PCOLCE2: variants seen among roughly 807,000 people sequenced by gnomAD.
PCOLCE2 encodes the protein procollagen C-endopeptidase enhancer 2.
A neutral mutation model predicts 47.0 loss-of-function variants in PCOLCE2; 42 were observed. The ratio of observed to expected loss-of-function variants is 0.89; its 90% confidence interval spans 0.70 to 1.16. The LOEUF (loss-of-function observed/expected upper bound fraction) is 1.16. Ranked by LOEUF, PCOLCE2 falls within the 50% of genes most tolerant of loss-of-function variation. PCOLCE2 has a pLI of 0.00. For synonymous variants in PCOLCE2, 169 were observed against 191.7 expected (o/e 0.88, Z 0.98); for missense variants, 500 against 526.1 (o/e 0.95, Z 0.49).
chr3:142,833,150 G>A (rs1325164437), intron 5 of PCOLCE2, among the ~76,000 whole-genome samples: 3 of 151,944 alleles, frequency 2.0e-5, no homozygotes, highest in South Asian at 2.1e-4. Flanking sequence ...GTTTTTAAAC[G>A]TCATAAATGA....
intron 1 of PCOLCE2, 140 bp downstream of exon 1, chr3:142,888,674 G>T: frequency 2.0e-6 from 1 of 489,080 alleles, no homozygotes; most frequent in Admixed American, 4.4e-5. Flanking sequence ...GGTGGCGGAC[G>T]CCTGCACCGC....
chr3:142,849,328 T>A (rs1242657784), intron 2 of PCOLCE2, among the ~76,000 whole-genome samples: 1 of 152,216 alleles, frequency 6.6e-6, no homozygotes, highest in East Asian at 1.9e-4. Context: ...ACTGACTAAA[T>A]GAACTGAGTA....
chr3:142,847,659 C>A (rs902273933), intron 3 of PCOLCE2, among the ~76,000 whole-genome samples: 8 of 152,138 alleles, frequency 5.3e-5, no homozygotes, highest in Admixed American at 3.3e-4. Context: ...ACCTCAGCCT[C>A]CCAAGTAGCT....
At position 142,821,042 on chromosome 3, in the gene PCOLCE2, A is replaced by G. The variant is rs1201698388; in HGVS notation, c.953T>C (p.Leu318Ser). 3 of 1,598,130 alleles carry G rather than the reference A, an allele frequency of 1.9e-6. No homozygotes were observed. The highest frequency in any genetic ancestry group is 2.6e-6 in the Non-Finnish European group (3 of 1,166,788). ...GATGGTTGTGATAACAGTGCCGGCT[A>G]ATACTGCAGAAGAAAACATTTTGAA... ...EGNYCSSDFV[L>S]AGTVITTITR... Residue 318 changes from leucine to serine, a missense_variant, in exon 8 of 9, where the codon TTA becomes TCA. Coordinates refer to ENST00000295992, the MANE Select transcript of PCOLCE2 (RefSeq NM_013363.4).
intron 1 of PCOLCE2, among the ~76,000 whole-genome samples, 154 bp from the exon 2 acceptor site, chr3:142,887,931 C>G (rs572052991): frequency 1.3e-5 from 2 of 152,322 alleles, no homozygotes; most frequent in East Asian, 3.9e-4. Flanking sequence ...AATTTGCTAG[C>G]TCCTAGAATA....
intron 2 of PCOLCE2, among the ~76,000 whole-genome samples, chr3:142,868,712 A>G (rs1933328916): frequency 6.6e-6 from 1 of 152,090 alleles, no homozygotes. Context: ...GTGCGGTCTA[A>G]CCCTAGCCAA....
chr3:142,859,603 G>A (rs1933140728), intron 2 of PCOLCE2, among the ~76,000 whole-genome samples: 1 of 150,410 alleles, frequency 6.6e-6, no homozygotes, highest in Admixed American at 6.6e-5. Flanking sequence ...GTGTCATTCA[G>A]GCTGGAGTGT....
intron 2 of PCOLCE2, among the ~76,000 whole-genome samples, chr3:142,852,294 C>A (rs1263522686): frequency 6.6e-6 from 1 of 152,032 alleles, no homozygotes; most frequent in Non-Finnish European, 1.5e-5. Context: ...GATAAGAGCT[C>A]CTGATTGTCA....
At chr3:142,858,735 A>ATGTG (rs113491195) in intron 2 of PCOLCE2, among the ~76,000 whole-genome samples, 2,171 of 140,472 alleles carry the variant, frequency 0.015, 44 homozygotes, top group African/African-American at 0.049. Flanking sequence ...GTGTGTGTGT[A>ATGTG]TGTGTGTGTG....
At chr3:142,835,076 A>G (rs1937188096) in intron 5 of PCOLCE2, among the ~76,000 whole-genome samples, 1 of 152,020 alleles carries the variant, frequency 6.6e-6, no homozygotes, top group South Asian at 2.1e-4. Flanking sequence ...CTATTTGTCT[A>G]TTAGACCAAG....
At chr3:142,828,147 T>C (rs1937107027) in intron 6 of PCOLCE2, among the ~76,000 whole-genome samples, 6 of 152,216 alleles carry the variant, frequency 3.9e-5, no homozygotes, top group Admixed American at 3.9e-4. Flanking sequence ...AAACTAATCC[T>C]GAACTTTGCT....
intron 2 of PCOLCE2, among the ~76,000 whole-genome samples, chr3:142,866,600 A>G (rs1192470906): frequency 6.6e-6 from 1 of 152,256 alleles, no homozygotes; most frequent in African/African-American, 2.4e-5. Flanking sequence ...GTTGAAAAAT[A>G]TGAATCATAA....
rs1578030616 is a variant in PCOLCE2 at position 142,829,527 on chromosome 3, C to A, written c.865+165G>T. On this transcript the variant is annotated intron_variant, in intron 6 of 8. Transcript: ENST00000295992. The stretch of plus-strand genomic sequence containing the variant: ...TATTAGCTTACAAGCATTCTTACAC[C>A]CCATACCTTTCTTTCATTAATGCAG... 5.9e-6 allele frequency: 3 copies of A among 504,638 alleles called. No individual in the cohort carries two copies. In the East Asian group the frequency reaches 9.3e-5, roughly 16 times the overall value. The allele number at this position is 504,638 out of a possible 1,614,324, so 31.3% of individuals were successfully genotyped here.
chr3:142,858,531 C>T (rs1042632578), intron 2 of PCOLCE2, among the ~76,000 whole-genome samples: 4 of 152,252 alleles, frequency 2.6e-5, no homozygotes, highest in South Asian at 2.1e-4. Flanking sequence ...CGTGTGTGTG[C>T]GTGTGTATAT....
At chr3:142,820,238 G>C (rs1003067072) in intron 8 of PCOLCE2, among the ~76,000 whole-genome samples, 2 of 152,020 alleles carry the variant, frequency 1.3e-5, no homozygotes, top group African/African-American at 4.8e-5. Flanking sequence ...ACTGTGTCTG[G>C]CTGGAAGGAA....
chr3:142,874,040 G>A (rs1933448219), intron 2 of PCOLCE2, among the ~76,000 whole-genome samples: 1 of 152,166 alleles, frequency 6.6e-6, no homozygotes, highest in African/African-American at 2.4e-5. Flanking sequence ...CTGTTCTCAT[G>A]AAAGTGAATG....
At chr3:142,859,709 G>A (rs1933142813) in intron 2 of PCOLCE2, among the ~76,000 whole-genome samples, 1 of 152,076 alleles carries the variant, frequency 6.6e-6, no homozygotes, top group Non-Finnish European at 1.5e-5. Flanking sequence ...GGGACTACAG[G>A]CACACGCCAC....
chr3:142,848,602 TAACCC>T, intron 2 of PCOLCE2, 130 bp from the exon 3 acceptor site: 1 of 797,646 alleles, frequency 1.3e-6, no homozygotes, highest in Non-Finnish European at 1.9e-6. Flanking sequence ...ATATCTGAAC[TAACCC>T]AAGGGAAGTT....
intron 2 of PCOLCE2, among the ~76,000 whole-genome samples, chr3:142,871,035 C>A (rs1241372615): frequency 1.3e-5 from 2 of 152,168 alleles, no homozygotes; most frequent in Non-Finnish European, 2.9e-5. Context: ...CAAAGACAGA[C>A]CCCTGGCCTC....
Sources: gnomAD v4.1 joint callset for allele counts (sites outside exome capture counted in the v4.1 genomes callset) on GRCh38, gnomAD v4.1.1 for gene constraint, MANE v1.5 for transcripts, NCBI Gene and HGNC (gene_info 2026-07-23, HGNC 2026-07-21) for gene names.